PC: variants seen among roughly 807,000 people sequenced by gnomAD.
PC encodes the protein pyruvate carboxylase, mitochondrial.
PC carries 46 observed loss-of-function variants against 107.8 expected under a neutral mutation model. The ratio of observed to expected loss-of-function variants is 0.43; its 90% CI spans 0.34 to 0.55. PC has a LOEUF of 0.55. PC is among the 20% of genes least tolerant of loss of function. PC has a pLI of 0.04. For synonymous variants in PC, 662 were observed against 684.7 expected (o/e 0.97, Z 0.52); for missense variants, 1,241 against 1,643.1 (o/e 0.76, Z 4.23).
intron 3 of PC, among the ~76,000 whole-genome samples, chr11:66,883,781 G>A (rs116648136): frequency 2.0e-5 from 3 of 152,244 alleles, no homozygotes; most frequent in African/African-American, 2.4e-5. Context: ...GTTGCAGAGT[G>A]GCATGAGGCT....
At position 66,850,031 on chromosome 11, in the gene PC, G is replaced by A. The variant is rs139540331; in HGVS notation, c.2804C>T (p.Ala935Val). ...GGAGCGGGGAAAGGACAGCTCTTCC[G>A]CCTGAGCTTCGGCCTCTGCCCGGCT... is the stretch of plus-strand genomic sequence containing the variant. ...GLSRAEAEAQ[A>V]EELSFPRSVV... is the part of the protein sequence containing the mutation. Residue 935 changes from alanine to valine, a missense_variant, in exon 20 of 23, where the codon GCG becomes GTG. Physicochemically the swap from Ala to Val is moderately conservative, Grantham distance 64. Around this residue, in one of 2 missense-constraint regions of PC, gnomAD observed 1,143 missense variants for 1,551.9 expected, o/e 0.74. Coordinates refer to ENST00000393960, the MANE Select transcript of PC (RefSeq NM_001040716.2). 445 of 1,613,660 alleles carry A rather than the reference G, an allele frequency of 2.8e-4. 1 individual carries two copies. Among genetic ancestry groups the A allele is most frequent in the Non-Finnish European group, 3.5e-4 (413 of 1,180,036 alleles).
At chr11:66,923,677 A>G (rs1948646550) in intron 3 of PC, among the ~76,000 whole-genome samples, 1 of 151,592 alleles carries the variant, frequency 6.6e-6, no homozygotes, top group South Asian at 2.1e-4. Context: ...GCACCACCAC[A>G]CTCAACTAAT....
At position 66,871,650 on chromosome 11, in the gene PC, C is replaced by G; in HGVS notation, c.321+37G>C. The G allele has an allele frequency of 6.4e-7, 1 of 1,562,282 alleles. No homozygotes were observed. Among genetic ancestry groups the G allele is most frequent in the South Asian group, 1.2e-5 (1 of 86,082 alleles). ...CCCGCGGCAACTAAGACTCCCTGGTCCCTGCTGTCCAGGCCCAGCCAGGCC... is the reference window on the plus strand; with the variant it reads ...CCCGCGGCAACTAAGACTCCCTGGTGCCTGCTGTCCAGGCCCAGCCAGGCC... On this transcript the variant is annotated intron_variant, in intron 5 of 22. Coordinates refer to ENST00000393960, the MANE Select transcript of PC (RefSeq NM_001040716.2). The surrounding 1 kb of genome is among the most constrained non-coding windows in gnomAD (Gnocchi z 7.4).
chr11:66,935,673 G>C (rs765685137), intron 3 of PC, among the ~76,000 whole-genome samples: 1 of 152,176 alleles, frequency 6.6e-6, no homozygotes, highest in African/African-American at 2.4e-5. Context: ...GCTGCTGTCA[G>C]AGCTTGGCTA....
chr11:66,874,126 A>C (rs560559701), intron 3 of PC, among the ~76,000 whole-genome samples: 2 of 151,916 alleles, frequency 1.3e-5, no homozygotes, highest in African/African-American at 2.4e-5. Context: ...CGCCCAGCTA[A>C]TTTTTGTATT....
rs559480368 is a variant in PC, at chr11:66,927,742, T to C, written c.-1+24688A>G. Among the ~76,000 whole-genome samples the C allele has an allele frequency of 6.1e-5, 9 of 146,464 alleles. No individual in the cohort carries two copies. The East Asian group carries it at 1.2e-3, about 19-fold the overall frequency. On this transcript the variant is annotated intron_variant, in intron 3 of 22. Transcript: ENST00000393960. ...CCGTCTCAAAAAAAAAAAAAAAAGA[T>C]AGAATCTGGGATGCCAACTTTGGGT... is the stretch of plus-strand genomic sequence containing the variant.
chr11:66,943,589 CA>C (rs574685934), intron 3 of PC, among the ~76,000 whole-genome samples: 131 of 140,026 alleles, frequency 9.4e-4, no homozygotes, highest in Admixed American at 1.2e-3. Flanking sequence ...ACTAAAAATG[CA>C]AAAAAAAAAA....
intron 3 of PC, among the ~76,000 whole-genome samples, chr11:66,873,899 C>G (rs1946877767): frequency 1.3e-5 from 2 of 152,004 alleles, no homozygotes; most frequent in African/African-American, 2.4e-5. Context: ...TCCCAAGTAG[C>G]TGGGATTATA....
At chr11:66,859,544 G>T (rs542518914) in intron 12 of PC, 1 of 1,567,472 alleles carries the variant, frequency 6.4e-7, no homozygotes, top group Non-Finnish European at 8.6e-7. Flanking sequence ...GCCCCAGGGG[G>T]AGGGGTGTTT....
At chr11:66,905,533 T>A (rs1948136023) in intron 3 of PC, among the ~76,000 whole-genome samples, 2 of 152,234 alleles carry the variant, frequency 1.3e-5, no homozygotes, top group Non-Finnish European at 2.9e-5. Flanking sequence ...TTTGACTTTG[T>A]ATGTTCATTG....
At chr11:66,932,585 C>T (rs940673702) in intron 3 of PC, among the ~76,000 whole-genome samples, 2 of 152,178 alleles carry the variant, frequency 1.3e-5, no homozygotes, top group Admixed American at 6.5e-5. Context: ...CATAAATCTG[C>T]TAGGAATGGC....
At chr11:66,893,810 C>T (rs1591241314) in intron 3 of PC, among the ~76,000 whole-genome samples, 1 of 149,712 alleles carries the variant, frequency 6.7e-6, no homozygotes, top group African/African-American at 2.5e-5. Context: ...ACTCCCCCTC[C>T]CAAACTGCAC....
At chr11:66,926,157 A>G (rs1208772553) in intron 3 of PC, among the ~76,000 whole-genome samples, 1 of 152,250 alleles carries the variant, frequency 6.6e-6, no homozygotes. Flanking sequence ...TCTTATAATT[A>G]GCAGATATTA....
At position 66,858,240 on chromosome 11, in the gene PC, G is replaced by T; in HGVS notation, c.1369-4857C>A. On this transcript the variant is annotated intron_variant, in intron 12 of 22. Transcript: ENST00000393960. The surrounding 1 kb of genome is among the most constrained non-coding windows in gnomAD (Gnocchi z 5.9). The stretch of plus-strand genomic sequence containing the variant: ...CCGGCAGGTGCCCTGGGCCGGCATC[G>T]GCGCCATGCCTGCCCTGCACACCCT... 1 of 1,612,408 alleles carries T rather than the reference G, an allele frequency of 6.2e-7. No individual in the cohort carries two copies. The highest frequency in any genetic ancestry group is 8.5e-7 in the Non-Finnish European group (1 of 1,179,910).
rs1022486778 is a variant in PC, at chr11:66,892,805, A to G, written c.1-20646T>C. Reference sequence around the variant, plus strand: ...AGGACGTGGAGGTTGCAGTGAGCCAAGATGGCGCCACTGCATTCTAGCCTG... The same window carrying G: ...AGGACGTGGAGGTTGCAGTGAGCCAGGATGGCGCCACTGCATTCTAGCCTG... On this transcript the variant is annotated intron_variant, in intron 3 of 22. Transcript: ENST00000393960. 3.9e-5 allele frequency among the ~76,000 whole-genome samples: 6 copies of G among 152,264 alleles called. No individual in the cohort carries two copies. The East Asian group carries it at 1.2e-3, about 29-fold the overall frequency.
intron 12 of PC, among the ~76,000 whole-genome samples, chr11:66,854,123 C>T (rs1330573333): frequency 2.0e-5 from 3 of 152,274 alleles, no homozygotes; most frequent in Non-Finnish European, 2.9e-5. Context: ...CCACTCCTCC[C>T]ATGCCACTGG....
chr11:66,916,809 C>T (rs1238304760), intron 3 of PC, among the ~76,000 whole-genome samples: 1 of 151,870 alleles, frequency 6.6e-6, no homozygotes, highest in Admixed American at 6.6e-5. Context: ...AAAAAATTAT[C>T]CGGGCGTGGT....
chr11:66,870,916 C>G lies in PC; in HGVS notation c.634-24G>C. ...TCCTGCGAGGGCGGGCAGGGGCCAG[C>G]CAGACCTCAGACCCCACAGCGCTAC... is the stretch of plus-strand genomic sequence containing the variant. On this transcript the variant is annotated intron_variant, in intron 7 of 22. Coordinates refer to ENST00000393960, the MANE Select transcript of PC (RefSeq NM_001040716.2). The surrounding 1 kb of genome is among the most constrained non-coding windows in gnomAD (Gnocchi z 6.1). The G allele has an allele frequency of 6.2e-7, 1 of 1,607,950 alleles. No individual in the cohort carries two copies. The highest frequency in any genetic ancestry group is 8.5e-7 in the Non-Finnish European group (1 of 1,177,094).
At chr11:66,859,238 G>A (rs1366082313) in intron 12 of PC, 1 of 1,183,154 alleles carries the variant, frequency 8.5e-7, no homozygotes, top group South Asian at 1.8e-5. Flanking sequence ...TGGAGGAGCA[G>A]TGGCCTGGCC....
Sources: allele counts gnomAD v4.1 joint callset (sites outside exome capture counted in the v4.1 genomes callset), GRCh38; gene constraint gnomAD v4.1.1; regional missense constraint gnomAD v4.1.1; non-coding constraint Gnocchi (gnomAD v3.1); transcripts MANE v1.5; gene names NCBI Gene and HGNC (gene_info 2026-07-23, HGNC 2026-07-21).